AMPH: variants seen among roughly 807,000 people sequenced by gnomAD.
AMPH encodes the protein amphiphysin (Stiff-Mann syndrome with breast cancer 128kD autoantigen).
In AMPH, 49 loss-of-function variants were observed where a neutral mutation model predicts 99.1. The ratio of observed to expected loss-of-function variants is 0.49; its 90% CI spans 0.39 to 0.63. The LOEUF is 0.63. AMPH is among the 20% of genes least tolerant of loss of function. The pLI, the probability that AMPH is intolerant of heterozygous loss-of-function variation, is 0.00. For synonymous variants in AMPH, 314 were observed against 317.3 expected (o/e 0.99, Z 0.11); for missense variants, 759 against 863.4 (o/e 0.88, Z 1.52).
At chr7:38,460,695 G>A (rs948839333) in intron 11 of AMPH, among the ~76,000 whole-genome samples, 9 of 152,192 alleles carry the variant, frequency 5.9e-5, no homozygotes, top group African/African-American at 1.9e-4. Flanking sequence ...ACCAGAGGCT[G>A]AGAAGGATGT....
intron 3 of AMPH, among the ~76,000 whole-genome samples, chr7:38,496,902 A>T (rs1788953828): frequency 6.6e-6 from 1 of 152,208 alleles, no homozygotes; most frequent in Admixed American, 6.5e-5. Flanking sequence ...GGCACTGTAG[A>T]CCAAATAATC....
intron 9 of AMPH, 37 bp downstream of exon 9, chr7:38,465,430 C>A (rs1464093374): frequency 6.5e-6 from 10 of 1,529,896 alleles, no homozygotes; most frequent in African/African-American, 1.4e-5. Context: ...TTTTAGCAAG[C>A]AGGACATTAC....
intron 17 of AMPH, among the ~76,000 whole-genome samples, chr7:38,413,323 T>A (rs1001116456): frequency 1.8e-4 from 28 of 151,840 alleles, no homozygotes; most frequent in African/African-American, 6.5e-4. Flanking sequence ...TTGATCATAA[T>A]AACTGGCTTG....
At chr7:38,457,725 T>C (rs1344118213) in intron 11 of AMPH, among the ~76,000 whole-genome samples, 1 of 152,096 alleles carries the variant, frequency 6.6e-6, no homozygotes, top group African/African-American at 2.4e-5. Flanking sequence ...ACAGATACAA[T>C]GCAAAAAGGT....
chr7:38,567,738 A>T (rs1372988492), intron 1 of AMPH, among the ~76,000 whole-genome samples: 6 of 152,150 alleles, frequency 3.9e-5, no homozygotes, highest in African/African-American at 1.4e-4. Context: ...CTATTCAGAA[A>T]AGCTCAAATT....
At chr7:38,491,947 T>C (rs965031301) in intron 4 of AMPH, among the ~76,000 whole-genome samples, 2 of 152,190 alleles carry the variant, frequency 1.3e-5, no homozygotes, top group Non-Finnish European at 2.9e-5. Flanking sequence ...TAGACCTCCC[T>C]GAATTTCAAT....
At chr7:38,390,321 A>G (rs1400108340) in intron 19 of AMPH, among the ~76,000 whole-genome samples, 8 of 152,180 alleles carry the variant, frequency 5.3e-5, no homozygotes, top group Admixed American at 3.9e-4. Context: ...TACTAAATAA[A>G]ACTCTGTGAT....
chr7:38,584,382 A>G (rs910304071), intron 1 of AMPH, among the ~76,000 whole-genome samples: 11 of 152,314 alleles, frequency 7.2e-5, no homozygotes, highest in African/African-American at 2.6e-4. Context: ...TTAGTAAGAA[A>G]TGTGGCACTG....
chr7:38,544,741 C>G (rs1790932321), intron 1 of AMPH, among the ~76,000 whole-genome samples: 1 of 152,120 alleles, frequency 6.6e-6, no homozygotes, highest in Non-Finnish European at 1.5e-5. Context: ...GGGAGGATAC[C>G]AACTCTAGGA....
intron 11 of AMPH, among the ~76,000 whole-genome samples, chr7:38,450,532 C>G (rs945966629): frequency 2.6e-5 from 4 of 152,332 alleles, no homozygotes; most frequent in Admixed American, 2.6e-4. Context: ...TGCCATATCT[C>G]CCCTTCGGAG....
chr7:38,463,045 G>A lies in AMPH; in HGVS notation c.818C>T (p.Pro273Leu), dbSNP rs571506461. 6 of 1,611,400 alleles carry A rather than the reference G, an allele frequency of 3.7e-6. No homozygotes were observed. Among genetic ancestry groups the A allele is most frequent in the South Asian group, 3.3e-5 (3 of 90,804 alleles). The change falls in exon 10 of 21, where the codon CCG becomes CTG. Residue 273 changes from proline (P) to leucine (L), a missense_variant. Around this residue, in one of 2 missense-constraint regions of AMPH, gnomAD observed 554 missense variants for 575.6 expected, o/e 0.96. Coordinates refer to ENST00000356264, the MANE Select transcript of AMPH (RefSeq NM_001635.4). ...TAATGTATGATTTGGACTTGCTGTC[G>A]GGCTCGGGAGGGGTGAAGGCTCCTC... ...PPEEPSPLPS[P>L]TASPNHTLAP...
intron 14 of AMPH, chr7:38,429,040 T>C: frequency 7.8e-7 from 1 of 1,290,308 alleles, no homozygotes. Flanking sequence ...TTGATATCAA[T>C]AGCTCCAGTG....
Position 38,392,098 on chromosome 7 carries a change from C to T in AMPH, c.1609-81G>A, listed in dbSNP as rs76095633. 2.2e-3 allele frequency: 3,210 copies of T among 1,476,768 alleles called. 55 individuals are homozygous for T. The African/African-American group carries it at 0.041, about 19-fold the overall frequency. The allele number at this position is 1,476,768 out of a possible 1,614,324, so 91.5% of individuals were successfully genotyped here. Reference sequence around the variant, plus strand: ...TTGTCCTGCACAACCTGCCTTAGCCCCCAGCCCAAAGCTGGGGCTGCCACT... The same window carrying T: ...TTGTCCTGCACAACCTGCCTTAGCCTCCAGCCCAAAGCTGGGGCTGCCACT... On this transcript the variant is annotated intron_variant, in intron 18 of 20. Transcript: ENST00000356264.
chr7:38,410,205 T>C (rs983154973), intron 17 of AMPH, among the ~76,000 whole-genome samples: 11 of 152,182 alleles, frequency 7.2e-5, no homozygotes, highest in Non-Finnish European at 1.3e-4. Flanking sequence ...CAGGCTCAGG[T>C]TGGCAGAAGG....
intron 1 of AMPH, among the ~76,000 whole-genome samples, chr7:38,539,846 G>A (rs999247873): frequency 1.1e-4 from 16 of 152,228 alleles, no homozygotes; most frequent in African/African-American, 3.9e-4. Flanking sequence ...TTTTTCTCCA[G>A]CAGCCTCAAT....
intron 17 of AMPH, among the ~76,000 whole-genome samples, chr7:38,412,292 C>T (rs1278165054): frequency 1.3e-5 from 2 of 152,196 alleles, no homozygotes; most frequent in Admixed American, 6.5e-5. Context: ...AGTCACTGGG[C>T]ATCTATCACC....
rs537675375 is a variant in AMPH at position 38,475,914 on chromosome 7, C to T, written c.505-498G>A. The stretch of plus-strand genomic sequence containing the variant: ...AAAGGAGGGGGTAAGAAAGACATTA[C>T]AATACATAAAGGTGGAAAGCCTTGA... On this transcript the variant is annotated intron_variant, in intron 6 of 20. Transcript: ENST00000356264. Among the ~76,000 whole-genome samples, 165 of 152,280 alleles carry T rather than the reference C, an allele frequency of 1.1e-3. 1 individual carries two copies. The highest frequency in any genetic ancestry group is 3.8e-3 in the African/African-American group (156 of 41,558).
intron 9 of AMPH, among the ~76,000 whole-genome samples, chr7:38,465,028 A>G (rs1787596161): frequency 6.6e-6 from 1 of 152,206 alleles, no homozygotes; most frequent in South Asian, 2.1e-4. Flanking sequence ...GATCTCACCT[A>G]CTTCCTCTTT....
At chr7:38,618,749 T>C (rs1416589462) in intron 1 of AMPH, among the ~76,000 whole-genome samples, 2 of 152,026 alleles carry the variant, frequency 1.3e-5, no homozygotes, top group African/African-American at 4.8e-5. Context: ...TCAAAAACTA[T>C]TTGTAAAAGA....
Sources: gnomAD v4.1 joint callset for allele counts (sites outside exome capture counted in the v4.1 genomes callset) on GRCh38, gnomAD v4.1.1 for gene constraint, gnomAD v4.1.1 regional missense constraint, MANE v1.5 for transcripts, NCBI Gene and HGNC (gene_info 2026-07-23, HGNC 2026-07-21) for gene names.